Variants in UTP4 observed in about 807,000 individuals in gnomAD.
UTP4 encodes the protein UTP4 small subunit processome component, also known as U3 small nucleolar RNA-associated protein 4 homolog.
In UTP4, 45 loss-of-function variants were observed where a neutral mutation model predicts 82.4. The ratio of observed to expected loss-of-function variants is 0.55; its 90% CI spans 0.43 to 0.70. The LOEUF is 0.70. UTP4 is among the 30% of genes least tolerant of loss of function. UTP4 has a pLI of 0.00. For synonymous variants in UTP4, 348 were observed against 300.3 expected, an observed-to-expected ratio of 1.16 and a Z score of -1.64; for missense variants, 819 against 858.3, an observed-to-expected ratio of 0.95 and a Z score of 0.57.
chr16:69,147,393 T>C (rs1040228633), intron 6 of UTP4, among the ~76,000 whole-genome samples: 1 of 151,806 alleles, frequency 6.6e-6, no homozygotes, highest in Admixed American at 6.6e-5. Flanking sequence ...TAGTCCCAGC[T>C]ACTCGGGAGG....
chr16:69,147,838 C>T (rs1287476504), intron 6 of UTP4, among the ~76,000 whole-genome samples: 2 of 152,172 alleles, frequency 1.3e-5, no homozygotes, highest in African/African-American at 2.4e-5. Context: ...CTTGTGGTGT[C>T]ATGTTAGCAC....
chr16:69,160,095 A>G (rs1225309568), intron 12 of UTP4, among the ~76,000 whole-genome samples: 1 of 152,236 alleles, frequency 6.6e-6, no homozygotes, highest in African/African-American at 2.4e-5. Context: ...CTATTCCTGT[A>G]GTAAGCAGTG....
chr16:69,162,383 C>T (rs1489406145), intron 13 of UTP4, among the ~76,000 whole-genome samples: 1 of 151,736 alleles, frequency 6.6e-6, no homozygotes, highest in Non-Finnish European at 1.5e-5. Flanking sequence ...CAAAACCAGC[C>T]CGGCCAACAT....
intron 5 of UTP4, among the ~76,000 whole-genome samples, chr16:69,141,623 G>T (rs1343366232): frequency 3.9e-5 from 6 of 152,044 alleles, no homozygotes; most frequent in Non-Finnish European, 7.4e-5. Flanking sequence ...ACGTCCTTCA[G>T]TTCTGGGGGG....
rs1962709947 is a variant in UTP4 at position 69,133,455 on chromosome 16, T to C, written c.-2-3T>C. Reference sequence around the variant, plus strand: ...CAATAATGACTCTCTTTTCGCCCCCTAGGAATGGGTGAATTTAAGGTCCAT... The same window carrying C: ...CAATAATGACTCTCTTTTCGCCCCCCAGGAATGGGTGAATTTAAGGTCCAT... On this transcript the variant is annotated splice_region_variant and splice_polypyrimidine_tract_variant and intron_variant, in intron 1 of 16. Transcript: ENST00000314423. 6.2e-7 allele frequency: 1 copy of C among 1,614,068 alleles called. No individual in the cohort carries two copies. Among genetic ancestry groups the C allele is most frequent in the East Asian group, 2.2e-5 (1 of 44,866 alleles).
chr16:69,146,493 G>T (rs935780475), intron 6 of UTP4, among the ~76,000 whole-genome samples: 1 of 152,200 alleles, frequency 6.6e-6, no homozygotes, highest in Admixed American at 6.5e-5. Flanking sequence ...CATAATATTT[G>T]TGTGTGTGTT....
intron 14 of UTP4, among the ~76,000 whole-genome samples, chr16:69,165,128 G>C (rs1963669994): frequency 1.3e-5 from 2 of 151,820 alleles, no homozygotes; most frequent in South Asian, 4.2e-4. Context: ...CGGGGAGGCG[G>C]AGCTTGCAGT....
chr16:69,141,911 A>G (rs1013104347), intron 5 of UTP4, among the ~76,000 whole-genome samples: 4 of 151,884 alleles, frequency 2.6e-5, no homozygotes, highest in Non-Finnish European at 4.4e-5. Flanking sequence ...ATATGTATAC[A>G]TGTGCCATGC....
At chr16:69,165,877 G>A (rs1963690045) in intron 15 of UTP4, 7 of 405,230 alleles carry the variant, frequency 1.7e-5, no homozygotes, top group South Asian at 1.6e-4. Flanking sequence ...CATTGATTTG[G>A]CTAACTTGCT....
At chr16:69,133,838 C>T (rs76970594) in intron 2 of UTP4, among the ~76,000 whole-genome samples, 1 of 152,150 alleles carries the variant, frequency 6.6e-6, no homozygotes, top group South Asian at 2.1e-4. Flanking sequence ...AATGTGACAT[C>T]TCACTGCCTG....
At chr16:69,167,656 A>C (rs1597156870) in intron 16 of UTP4, 2 of 165,618 alleles carry the variant, frequency 1.2e-5, no homozygotes. Flanking sequence ...AAAAAAGGAG[A>C]GTTCTGTAAA....
intron 14 of UTP4, among the ~76,000 whole-genome samples, chr16:69,163,544 T>C (rs552626130): frequency 3.3e-5 from 5 of 152,198 alleles, no homozygotes; most frequent in African/African-American, 1.2e-4. Context: ...GACTAAAAGA[T>C]TGTATCATTC....
chr16:69,158,274 A>G (rs1403052325), intron 12 of UTP4, among the ~76,000 whole-genome samples: 2 of 145,074 alleles, frequency 1.4e-5, no homozygotes, highest in African/African-American at 5.1e-5. Flanking sequence ...CCAGGCTCAG[A>G]AAATCCTTCC....
chr16:69,139,407 G>A (rs1485543505), intron 4 of UTP4, among the ~76,000 whole-genome samples: 10 of 152,016 alleles, frequency 6.6e-5, no homozygotes, highest in African/African-American at 2.2e-4. Flanking sequence ...GGGAGGCTGA[G>A]GCGGGTGGAT....
intron 5 of UTP4, 38 bp from the exon 6 acceptor site, chr16:69,143,139 AT>A: frequency 6.2e-7 from 1 of 1,601,296 alleles, no homozygotes; most frequent in Non-Finnish European, 8.6e-7. Context: ...AGACAGAGAA[AT>A]AAGTACCATT....
rs752361739 is a variant in UTP4 at position 69,143,267 on chromosome 16, G to C, written c.616G>C (p.Asp206His). ...CIVWGVAFLSDGTIISVDSAG... is the reference protein window; with the variant it reads ...CIVWGVAFLSHGTIISVDSAG... Reference sequence around the variant, plus strand: ...CGTGTGGGGTGTCGCCTTCTTGTCCGATGGCACTATCATAAGTGTGGACTC... The same window carrying C: ...CGTGTGGGGTGTCGCCTTCTTGTCCCATGGCACTATCATAAGTGTGGACTC... The change falls in exon 6 of 17, where the codon GAT becomes CAT. Residue 206 changes from aspartate to histidine, a missense_variant. By Grantham distance (81) the Asp-to-His change is moderately conservative (BLOSUM62 -1). Transcript: ENST00000314423. 2.5e-6 allele frequency: 4 copies of C among 1,614,198 alleles called. No individual in the cohort carries two copies. Among genetic ancestry groups the C allele is most frequent in the Non-Finnish European group, 3.4e-6 (4 of 1,180,026 alleles).
intron 9 of UTP4, 81 bp from the exon 10 acceptor site, chr16:69,154,312 C>G (rs779803024): frequency 3.8e-4 from 429 of 1,128,556 alleles, no homozygotes; most frequent in Admixed American, 5.8e-4. Context: ...TCCATTTTTC[C>G]AAGGAGTAAC....
At chr16:69,159,039 T>C (rs1336292212) in intron 12 of UTP4, among the ~76,000 whole-genome samples, 3 of 151,974 alleles carry the variant, frequency 2.0e-5, no homozygotes, top group African/African-American at 7.3e-5. Flanking sequence ...TTGAACTTGC[T>C]GTTTGTCCGT....
At chr16:69,149,349 C>G (rs1963200650) in intron 6 of UTP4, among the ~76,000 whole-genome samples, 1 of 152,050 alleles carries the variant, frequency 6.6e-6, no homozygotes, top group South Asian at 2.1e-4. Context: ...CATTGCACTC[C>G]AGCCTGGGCG....
Sources: allele counts gnomAD v4.1 joint callset (sites outside exome capture counted in the v4.1 genomes callset), GRCh38; gene constraint gnomAD v4.1.1; transcripts MANE v1.5; gene names NCBI Gene and HGNC (gene_info 2026-07-23, HGNC 2026-07-21).